Variants in SMAD2 observed in about 807,000 individuals in gnomAD.
SMAD2 encodes the protein MAD homolog 2.
Under a neutral mutation model 64.4 loss-of-function variants are expected in SMAD2, and 8 were observed. The observed-to-expected ratio is 0.12, with a 90% CI of 0.07 to 0.22. SMAD2 has a LOEUF of 0.22. Ranked by LOEUF, SMAD2 falls within the 10% of genes least tolerant of loss-of-function variation. The pLI is 1.00. For missense variants in SMAD2, 289 were observed against 561.2 expected (o/e 0.51, Z 4.90); for synonymous variants, 203 against 195.8 (o/e 1.04, Z -0.31).
At position 47,829,792 on chromosome 18, in the gene SMAD2, T is replaced by C. The variant is rs560517299; in HGVS notation, c.*12035A>G. 1 of 152,382 alleles carries C rather than the reference T, an allele frequency of 6.6e-6. No homozygotes were observed. The highest frequency in any genetic ancestry group is 2.4e-5 in the African/African-American group (1 of 41,592). The allele number at this position is 152,382 out of a possible 1,614,324, so 9.4% of individuals were successfully genotyped here. On this transcript the variant is annotated 3_prime_UTR_variant, in exon 11 of 11. Transcript: ENST00000262160. Reference sequence around the variant, plus strand: ...ATGTAGCTTTTTATGTTTTATGTTTTACCAACAAATAATTTGTATGTTAAA... The same window carrying C: ...ATGTAGCTTTTTATGTTTTATGTTTCACCAACAAATAATTTGTATGTTAAA...
At chr18:47,917,731 T>C (rs2034392497) in intron 1 of SMAD2, among the ~76,000 whole-genome samples, 1 of 151,562 alleles carries the variant, frequency 6.6e-6, no homozygotes, top group Non-Finnish European at 1.5e-5. Flanking sequence ...CATAAAGAAT[T>C]TTTTTTTTAA....
rs1395068748 is a variant in SMAD2 at position 47,818,729 on chromosome 18, T to TGAAAAAAGG, written c.*23089_*23097dup. On this transcript the variant is annotated 3_prime_UTR_variant, in exon 11 of 11. Coordinates refer to ENST00000262160, the MANE Select transcript of SMAD2 (RefSeq NM_005901.6). ...TATTAACATTAAACTCATTTGAAACTGAAAAAAGGGAAAAAAGGGGTTGGG... is the reference window on the plus strand; with the variant it reads ...TATTAACATTAAACTCATTTGAAACTGAAAAAAGGGAAAAAAGGGAAAAAAGGGGTTGGG... The TGAAAAAAGG allele has an allele frequency of 3.0e-4, 46 of 152,164 alleles. No individual in the cohort carries two copies. The Middle Eastern group carries it at 0.02, about 68-fold the overall frequency. 9.4% of individuals were successfully genotyped at this position (152,164 alleles called of 1,614,324 possible).
chr18:47,910,030 T>C (rs2034062810), intron 1 of SMAD2, among the ~76,000 whole-genome samples: 1 of 152,136 alleles, frequency 6.6e-6, no homozygotes, highest in South Asian at 2.1e-4. Context: ...GAAGATGCCA[T>C]TGCTGTTATA....
At chr18:47,903,713 A>C (rs2033780625) in intron 1 of SMAD2, among the ~76,000 whole-genome samples, 1 of 152,176 alleles carries the variant, frequency 6.6e-6, no homozygotes, top group South Asian at 2.1e-4. Context: ...CATCACAGAT[A>C]TCAAAGTTAC....
Position 47,812,234 on chromosome 18 carries a change from T to TG in SMAD2, c.*29592dup, listed in dbSNP as rs1912228426. 1.3e-5 allele frequency: 2 copies of TG among 152,176 alleles called. No individual in the cohort carries two copies. The highest frequency in any genetic ancestry group is 4.1e-4 in the South Asian group (2 of 4,826). The allele number at this position is 152,176 out of a possible 1,614,324, so 9.4% of individuals were successfully genotyped here. On this transcript the variant is annotated 3_prime_UTR_variant, in exon 11 of 11. Transcript: ENST00000262160. The stretch of plus-strand genomic sequence containing the variant: ...AGTGAATAAGTCTCACGAGATCTGA[T>TG]GGTTTTATAAAGGGGAGTTCCCCTA...
At chr18:47,881,402 G>A (rs2032580348) in intron 2 of SMAD2, among the ~76,000 whole-genome samples, 1 of 152,122 alleles carries the variant, frequency 6.6e-6, no homozygotes, top group South Asian at 2.1e-4. Context: ...TCTGCTGCTA[G>A]TATTTACAAA....
At chr18:47,851,998 T>A (rs965659718) in intron 6 of SMAD2, among the ~76,000 whole-genome samples, 2 of 152,162 alleles carry the variant, frequency 1.3e-5, no homozygotes, top group Admixed American at 1.3e-4. Context: ...ACATTCCCAG[T>A]CACAACATAG....
At chr18:47,854,555 ACTAT>A (rs1276930598) in intron 6 of SMAD2, among the ~76,000 whole-genome samples, 1 of 152,100 alleles carries the variant, frequency 6.6e-6, no homozygotes, top group African/African-American at 2.4e-5. Flanking sequence ...AATTCTATTA[ACTAT>A]CTTTTTCTTC....
chr18:47,891,045 C>T (rs926384814), intron 2 of SMAD2, among the ~76,000 whole-genome samples: 1 of 152,162 alleles, frequency 6.6e-6, no homozygotes, highest in African/African-American at 2.4e-5. Flanking sequence ...TGGCTCATGC[C>T]TGTAATCCCA....
intron 1 of SMAD2, among the ~76,000 whole-genome samples, chr18:47,906,719 C>T (rs1480244768): frequency 2.0e-5 from 3 of 152,102 alleles, no homozygotes; most frequent in Non-Finnish European, 2.9e-5. Context: ...AGGGGAAGTT[C>T]GTCCTTGCCT....
Position 47,838,953 on chromosome 18 carries a change from T to A in SMAD2, c.*2874A>T, listed in dbSNP as rs1913684711. The A allele has an allele frequency of 4.3e-6, 1 of 232,022 alleles. No homozygotes were observed. Among genetic ancestry groups the A allele is most frequent in the African/African-American group, 2.2e-5 (1 of 44,934 alleles). 14.4% of individuals were successfully genotyped at this position (232,022 alleles called of 1,614,324 possible). On this transcript the variant is annotated 3_prime_UTR_variant, in exon 11 of 11. Transcript: ENST00000262160. The stretch of plus-strand genomic sequence containing the variant: ...TTGCTAATTTAAATAAAGACAAAAA[T>A]TCAACAAAGAGGGGATTCTATCACT...
At chr18:47,878,600 G>A (rs973636938) in intron 2 of SMAD2, 2 of 152,148 alleles carry the variant, frequency 1.3e-5, no homozygotes, top group South Asian at 4.1e-4. Context: ...CTGCACTCCA[G>A]CCTGGGTAAC....
chr18:47,884,070 TCTC>T (rs1200514944), intron 2 of SMAD2, among the ~76,000 whole-genome samples: 1 of 152,024 alleles, frequency 6.6e-6, no homozygotes, highest in Non-Finnish European at 1.5e-5. Context: ...CCCAAGCCAG[TCTC>T]CTATCACTGC....
At chr18:47,897,381 T>TA (rs1020270045) in intron 1 of SMAD2, among the ~76,000 whole-genome samples, 1 of 28,662 alleles carries the variant, frequency 3.5e-5, no homozygotes, top group African/African-American at 3.8e-5. Context: ...AGAAATTTTT[T>TA]AACACATGTT....
In SMAD2 at chr18:47,829,779, ATGTTT is replaced by A. The variant is rs2144250417; in HGVS notation, c.*12043_*12047del. The A allele has an allele frequency of 6.6e-6, 1 of 152,350 alleles. No homozygotes were observed. The highest frequency in any genetic ancestry group is 6.5e-5 in the Admixed American group (1 of 15,300). The allele number at this position is 152,350 out of a possible 1,614,324, so 9.4% of individuals were successfully genotyped here. A position where few individuals can be genotyped will look rare whatever the true frequency, so the allele number is the denominator to read the frequency against. On this transcript the variant is annotated 3_prime_UTR_variant, in exon 11 of 11. Transcript: ENST00000262160. ...TTTAGTTTACCAAATGTAGCTTTTT[ATGTTT>A]TATGTTTTACCAACAAATAATTTGT... is the stretch of plus-strand genomic sequence containing the variant.
chr18:47,890,729 CAT>C (rs1382699194), intron 2 of SMAD2, among the ~76,000 whole-genome samples: 1 of 152,188 alleles, frequency 6.6e-6, no homozygotes, highest in Non-Finnish European at 1.5e-5. Flanking sequence ...TTCCCTCCAC[CAT>C]AGTGTTTCAT....
intron 1 of SMAD2, among the ~76,000 whole-genome samples, chr18:47,912,858 CA>C (rs566813544): frequency 0.11 from 6,223 of 59,204 alleles, 158 homozygotes; most frequent in Middle Eastern, 0.12. Flanking sequence ...GTATAAACAG[CA>C]AAAAAAAAAA....
At position 47,830,964 on chromosome 18, in the gene SMAD2, A is replaced by AC. The variant is rs1416497593; in HGVS notation, c.*10862dup. 1 of 152,398 alleles carries AC rather than the reference A, an allele frequency of 6.6e-6. No homozygotes were observed. Among genetic ancestry groups the AC allele is most frequent in the Admixed American group, 6.5e-5 (1 of 15,278 alleles). 9.4% of individuals were successfully genotyped at this position (152,398 alleles called of 1,614,324 possible). ...GTTAACTAAGTTTCACTTAATACAC[A>AC]CACACACACTAGGGTTTATATGTAG... On this transcript the variant is annotated 3_prime_UTR_variant, in exon 11 of 11. Transcript: ENST00000262160.
At chr18:47,854,288 T>A (rs1448525785) in intron 6 of SMAD2, among the ~76,000 whole-genome samples, 1 of 152,222 alleles carries the variant, frequency 6.6e-6, no homozygotes, top group East Asian at 1.9e-4. Context: ...TATCTTCGCA[T>A]ACAAATTCAC....
Sources: allele counts gnomAD v4.1 joint callset (sites outside exome capture counted in the v4.1 genomes callset), GRCh38; gene constraint gnomAD v4.1.1; transcripts MANE v1.5; gene names NCBI Gene and HGNC (gene_info 2026-07-23, HGNC 2026-07-21).